PURG: variants seen among roughly 807,000 people sequenced by gnomAD.
PURG encodes the protein purine-rich element-binding protein gamma.
Under a neutral mutation model 24.3 loss-of-function variants are expected in PURG, and 3 were observed. That is an observed-to-expected ratio of 0.12 (90% confidence interval 0.06 to 0.32). PURG has a LOEUF of 0.32. Among genes scored for constraint, PURG ranks in the 10% least tolerant of loss-of-function variants. PURG has a pLI of 1.00. For synonymous variants in PURG, 180 were observed against 173.1 expected (o/e 1.04, Z -0.31); for missense variants, 371 against 439.1 (o/e 0.84, Z 1.39).
chr8:31,030,014 T>C (rs1290435133), downstream of PURG, among the ~76,000 whole-genome samples: 2 of 151,944 alleles, frequency 1.3e-5, no homozygotes, highest in African/African-American at 4.8e-5. Flanking sequence ...TGAAATACAA[T>C]CTGCAAACCA....
intron 1 of PURG, among the ~76,000 whole-genome samples, chr8:31,005,443 A>C (rs570038857): frequency 3.3e-5 from 5 of 151,654 alleles, no homozygotes; most frequent in African/African-American, 7.2e-5. Flanking sequence ...CAAAACAAAA[A>C]AAAAAAGAAA....
chr8:31,000,125 C>T (rs1293870861), intron 1 of PURG, among the ~76,000 whole-genome samples: 1 of 152,092 alleles, frequency 6.6e-6, no homozygotes, highest in Non-Finnish European at 1.5e-5. Flanking sequence ...CTTAGCTGGT[C>T]ATTCCTATAA....
chr8:30,996,972 A>G (rs1448361920), intron 1 of PURG, among the ~76,000 whole-genome samples: 1 of 151,840 alleles, frequency 6.6e-6, no homozygotes, highest in Non-Finnish European at 1.5e-5. Flanking sequence ...CAAGAGAAGA[A>G]TATACCTTGA....
chr8:31,019,811 G>A (rs1476438780), intron 1 of PURG, among the ~76,000 whole-genome samples: 16 of 151,094 alleles, frequency 1.1e-4, no homozygotes, highest in Admixed American at 2.0e-4. Flanking sequence ...GAGTACAGGC[G>A]TGAGCCACCA....
At chr8:30,996,891 T>C (rs1159259809) in intron 1 of PURG, among the ~76,000 whole-genome samples, 2 of 151,734 alleles carry the variant, frequency 1.3e-5, no homozygotes, top group African/African-American at 2.4e-5. Context: ...AAATGTGTAA[T>C]AAGGATTGAT....
At chr8:31,027,188 C>T (rs889838355), downstream of PURG, among the ~76,000 whole-genome samples, 11 of 151,684 alleles carry the variant, frequency 7.3e-5, no homozygotes, top group East Asian at 5.8e-4. Flanking sequence ...CTTTTCAGGC[C>T]GTGATAAATA....
chr8:31,010,466 A>G (rs1810741770), intron 1 of PURG, among the ~76,000 whole-genome samples: 1 of 152,226 alleles, frequency 6.6e-6, no homozygotes, highest in African/African-American at 2.4e-5. Context: ...CTGAGTGCAG[A>G]ATTGAGCCTA....
chr8:31,029,882 C>T (rs1006179557), downstream of PURG, among the ~76,000 whole-genome samples: 10 of 151,948 alleles, frequency 6.6e-5, no homozygotes, highest in South Asian at 2.1e-3. Context: ...TCTCAACACC[C>T]ACCATGTGCT....
At chr8:30,999,028 T>C (rs1585350101) in intron 1 of PURG, among the ~76,000 whole-genome samples, 1 of 151,838 alleles carries the variant, frequency 6.6e-6, no homozygotes, top group Non-Finnish European at 1.5e-5. Context: ...GACAGTAAAA[T>C]ACTGGTAACC....
chr8:31,030,946 A>T lies in PURG; in HGVS notation c.*793T>A, dbSNP rs1341729375. The T allele has an allele frequency of 6.6e-6, 1 of 152,530 alleles. No homozygotes were observed. Among genetic ancestry groups the T allele is most frequent in the African/African-American group, 2.4e-5 (1 of 41,444 alleles). 9.4% of individuals were successfully genotyped at this position (152,530 alleles called of 1,614,324 possible). ...AAGATTTCCATAGCAAAGCCATTGG[A>T]TGAAGCCTCCCACTCAATGTGACAT... On this transcript the variant is annotated 3_prime_UTR_variant, in exon 2 of 2. Coordinates refer to ENST00000523392, the MANE Select transcript of PURG (RefSeq NM_001323311.2).
At chr8:31,002,591 C>T (rs1810559739) in intron 1 of PURG, among the ~76,000 whole-genome samples, 1 of 152,160 alleles carries the variant, frequency 6.6e-6, no homozygotes, top group African/African-American at 2.4e-5. Flanking sequence ...TCAAGTGATT[C>T]TCCTGGCTCA....
Position 31,021,796 on chromosome 8 carries a change from A to G in PURG, c.864+10123T>C, listed in dbSNP as rs1331699510. On this transcript the variant is annotated intron_variant, in intron 1 of 1. Coordinates refer to the PURG transcript ENST00000339382. Reference sequence around the variant, plus strand: ...TGAAAATGGGGATAATAGGGTTGTTATAAGGATTAGGAATAGTAGCTATAA... The same window carrying G: ...TGAAAATGGGGATAATAGGGTTGTTGTAAGGATTAGGAATAGTAGCTATAA... Among the ~76,000 whole-genome samples the G allele has an allele frequency of 1.2e-4, 18 of 152,298 alleles. 1 individual carries two copies.
At chr8:31,000,008 T>G (rs1283398315) in intron 1 of PURG, among the ~76,000 whole-genome samples, 1 of 152,110 alleles carries the variant, frequency 6.6e-6, no homozygotes, top group East Asian at 1.9e-4. Context: ...TTAATTACCC[T>G]GTTTTTATCT....
Position 31,032,365 on chromosome 8 carries a change from G to A in PURG, c.418C>T (p.His140Tyr). 6.2e-7 allele frequency: 1 copy of A among 1,613,376 alleles called. No homozygotes were observed. The highest frequency in any genetic ancestry group is 8.5e-7 in the Non-Finnish European group (1 of 1,180,004). ...CTTCTGGAGCCTTGCTCTTTGCTGT[G>A]GCCATGCTCTTGCCGGTGGCCTTTC... is the stretch of plus-strand genomic sequence containing the variant. ...GLKGHRQEHG[H>Y]SKEQGSRRRQ... is the part of the protein sequence containing the mutation. The change falls in exon 2 of 2, where the codon CAC becomes TAC. Residue 140 changes from histidine to tyrosine, a missense_variant. By Grantham distance (83) the His-to-Tyr change is moderately conservative. Coordinates refer to ENST00000523392, the MANE Select transcript of PURG (RefSeq NM_001323311.2). The surrounding 1 kb of genome is among the most constrained non-coding windows in gnomAD (Gnocchi z 5.9).
At chr8:31,012,429 C>A (rs1483209930) in intron 1 of PURG, among the ~76,000 whole-genome samples, 2 of 152,128 alleles carry the variant, frequency 1.3e-5, no homozygotes, top group African/African-American at 4.8e-5. Flanking sequence ...AAAATGGGAA[C>A]TGGGCAAATT....
At position 31,031,553 on chromosome 8, in the gene PURG, C is replaced by A; in HGVS notation, c.*186G>T. 3.2e-6 allele frequency: 2 copies of A among 616,208 alleles called. No individual in the cohort carries two copies. The highest frequency in any genetic ancestry group is 5.5e-6 in the Non-Finnish European group (2 of 360,366). 38.2% of individuals were successfully genotyped at this position (616,208 alleles called of 1,614,324 possible). A position where few individuals can be genotyped will look rare whatever the true frequency, so the allele number is the denominator to read the frequency against. On this transcript the variant is annotated 3_prime_UTR_variant, in exon 2 of 2. Transcript: ENST00000523392. ...TTAGCTCTGGGAAGGTTGGAATTCC[C>A]GTAAGAATTATAGTGATCTATGTGT...
At chr8:31,005,544 G>T (rs1357759303) in intron 1 of PURG, among the ~76,000 whole-genome samples, 1 of 152,102 alleles carries the variant, frequency 6.6e-6, no homozygotes, top group Non-Finnish European at 1.5e-5. Context: ...CTGATCAGTG[G>T]TTGCTTTTGG....
At chr8:31,018,698 T>C (rs1307812594) in intron 1 of PURG, among the ~76,000 whole-genome samples, 1 of 152,166 alleles carries the variant, frequency 6.6e-6, no homozygotes, top group Non-Finnish European at 1.5e-5. Context: ...TTCAGTGTTC[T>C]GGAGTGCTAA....
At chr8:31,003,173 A>G (rs548479800) in intron 1 of PURG, among the ~76,000 whole-genome samples, 64 of 152,216 alleles carry the variant, frequency 4.2e-4, no homozygotes, top group Non-Finnish European at 8.1e-4. Context: ...TATTTTTGGA[A>G]TTATCAGAAT....
Sources: allele counts gnomAD v4.1 joint callset (sites outside exome capture counted in the v4.1 genomes callset), GRCh38; gene constraint gnomAD v4.1.1; non-coding constraint Gnocchi (gnomAD v3.1); transcripts MANE v1.5; gene names NCBI Gene and HGNC (gene_info 2026-07-23, HGNC 2026-07-21).